Variants in STK3 observed in about 807,000 individuals in gnomAD.
STK3 encodes the protein serine/threonine kinase 3.
Under a neutral mutation model 58.0 loss-of-function variants are expected in STK3, and 41 were observed. That is an observed-to-expected ratio of 0.71 (90% CI 0.55 to 0.92). The LOEUF (loss-of-function observed/expected upper bound fraction) is 0.92, where lower values mean the gene tolerates loss of function less well. Ranked by LOEUF, STK3 falls within the 40% of genes least tolerant of loss-of-function variation. The probability of loss-of-function intolerance (pLI) is 0.00; values close to 1 mark genes in which losing one functional copy is unlikely to be tolerated. For synonymous variants in STK3, 170 were observed against 191.0 expected (o/e 0.89, Z 0.91); for missense variants, 479 against 602.7 (o/e 0.79, Z 2.15).
intron 1 of STK3, among the ~76,000 whole-genome samples, chr8:98,787,655 A>C (rs1162680047): frequency 1.3e-5 from 2 of 152,226 alleles, no homozygotes; most frequent in Non-Finnish European, 2.9e-5. Flanking sequence ...GTTAAGACAA[A>C]GAAAAGAGTC....
rs144746676 is a variant in STK3 at position 98,664,387 on chromosome 8, C to T, written c.684+42080G>A. 4.8e-3 allele frequency among the ~76,000 whole-genome samples: 729 copies of T among 152,234 alleles called. 4 individuals are homozygous for T. Among genetic ancestry groups the T allele is most frequent in the Admixed American group, 9.3e-3 (142 of 15,290 alleles). On this transcript the variant is annotated intron_variant, in intron 6 of 10. Transcript: ENST00000419617. ...GTCCAATGGCAATCACAGTTCCTATCGGATCTCATAGGGTTAACTATCTGT... is the reference window on the plus strand; with the variant it reads ...GTCCAATGGCAATCACAGTTCCTATTGGATCTCATAGGGTTAACTATCTGT...
At position 98,478,401 on chromosome 8, in the gene STK3, C is replaced by T. The variant is rs1821550774; in HGVS notation, c.1318-22401G>A. ...CTAAACTAAGCTTGGGCTTAAGATC[C>T]ATCGAGTTCGCCTCCCGAGCAGAGC... On this transcript the variant is annotated intron_variant, in intron 10 of 10. Transcript: ENST00000419617. Among the ~76,000 whole-genome samples, 4 of 152,238 alleles carry T rather than the reference C, an allele frequency of 2.6e-5. No individual in the cohort carries two copies. The South Asian group carries it at 8.3e-4, about 32-fold the overall frequency.
At chr8:98,868,411 A>G (rs1394768838) in intron 3 of STK3, among the ~76,000 whole-genome samples, 1 of 152,070 alleles carries the variant, frequency 6.6e-6, no homozygotes, top group African/African-American at 2.4e-5. Context: ...CCCTCAGTGC[A>G]TGTTTCTTAG....
At chr8:98,885,968 TG>T (rs1401247341) in intron 1 of STK3, among the ~76,000 whole-genome samples, 1 of 152,160 alleles carries the variant, frequency 6.6e-6, no homozygotes, top group African/African-American at 2.4e-5. Context: ...AAATACATAT[TG>T]TATGATTCCA....
intron 4 of STK3, among the ~76,000 whole-genome samples, chr8:98,735,806 G>C (rs533400062): frequency 6.6e-6 from 1 of 152,218 alleles, no homozygotes; most frequent in Admixed American, 6.5e-5. Flanking sequence ...ACAATCACTG[G>C]AATATGTCTA....
In STK3 at chr8:98,800,082, G is replaced by T. The variant is rs1833422896; in HGVS notation, c.27-25263C>A. ...CCAACCTCTGGAGTTGGGCAACATG[G>T]CTTCTCCCCTTTCTAGGTCCCGTGG... On this transcript the variant is annotated intron_variant, in intron 1 of 10. Coordinates refer to ENST00000419617, the MANE Select transcript of STK3 (RefSeq NM_006281.4). This position sits in a 1 kb window ranked among gnomAD's most constrained non-coding sequence, Gnocchi z 4.8. Among the ~76,000 whole-genome samples, 1 of 152,152 alleles carries T rather than the reference G, an allele frequency of 6.6e-6. No individual in the cohort carries two copies. Among genetic ancestry groups the T allele is most frequent in the Non-Finnish European group, 1.5e-5 (1 of 68,024 alleles).
At chr8:98,559,191 C>T (rs1222195258) in intron 8 of STK3, among the ~76,000 whole-genome samples, 2 of 152,046 alleles carry the variant, frequency 1.3e-5, no homozygotes, top group African/African-American at 2.4e-5. Flanking sequence ...GAGTAAAAGT[C>T]AGGCAAAACC....
chr8:98,883,680 C>T, downstream of STK3: 2 of 702,948 alleles, frequency 2.8e-6, no homozygotes, highest in Non-Finnish European at 5.2e-6. Flanking sequence ...TTGTGTGCTC[C>T]ATTCTTTTTT....
intron 9 of STK3, among the ~76,000 whole-genome samples, chr8:98,542,315 CTCTCA>C (rs1170494486): frequency 6.6e-6 from 1 of 152,182 alleles, no homozygotes; most frequent in Non-Finnish European, 1.5e-5. Flanking sequence ...GAAAACAGTT[CTCTCA>C]TCTCAAGTCG....
At chr8:98,453,486 C>T (rs1450043500), downstream of STK3, among the ~76,000 whole-genome samples, 1 of 152,158 alleles carries the variant, frequency 6.6e-6, no homozygotes, top group Non-Finnish European at 1.5e-5. Flanking sequence ...AAAAGTAGGT[C>T]ATCCTAAAAT....
At chr8:98,387,565 A>G (rs1157961012) in intron 1 of STK3, among the ~76,000 whole-genome samples, 1 of 152,216 alleles carries the variant, frequency 6.6e-6, no homozygotes, top group Non-Finnish European at 1.5e-5. Context: ...CCTGACCAAC[A>G]TGGAGAAACC....
At chr8:98,903,556 C>CTTCTTCTACTTCTTCTT (rs200556218) in intron 1 of STK3, among the ~76,000 whole-genome samples, 1 of 50,502 alleles carries the variant, frequency 2.0e-5, no homozygotes, top group African/African-American at 6.8e-5. Flanking sequence ...TCTTCTTCTT[C>CTTCTTCTACTTCTTCTT]CTTTTTTTTT....
chr8:98,575,635 C>CTT (rs375581206), intron 8 of STK3, among the ~76,000 whole-genome samples: 3 of 143,364 alleles, frequency 2.1e-5, no homozygotes, highest in Non-Finnish European at 4.6e-5. Flanking sequence ...ATACAGTTTG[C>CTT]TTTTTTTTTT....
At chr8:98,739,331 T>G (rs1000209579) in intron 4 of STK3, among the ~76,000 whole-genome samples, 38 of 152,232 alleles carry the variant, frequency 2.5e-4, no homozygotes, top group Non-Finnish European at 4.6e-4. Context: ...GCAGCCTAAC[T>G]GGGAGGCACC....
chr8:98,528,494 CT>C (rs796904569), intron 9 of STK3, among the ~76,000 whole-genome samples: 1 of 150,886 alleles, frequency 6.6e-6, no homozygotes, highest in African/African-American at 2.4e-5. Context: ...TTTTTCTTTT[CT>C]TTTTTTTTGA....
At chr8:98,655,355 C>G (rs1276854050) in intron 6 of STK3, among the ~76,000 whole-genome samples, 3 of 152,048 alleles carry the variant, frequency 2.0e-5, no homozygotes, top group Non-Finnish European at 4.4e-5. Flanking sequence ...TAAAGACTTA[C>G]ATGTTAGACC....
intron 2 of STK3, among the ~76,000 whole-genome samples, chr8:98,377,935 G>A (rs538747429): frequency 6.6e-6 from 1 of 152,286 alleles, no homozygotes; most frequent in South Asian, 2.1e-4. Context: ...TGCCTCTTGT[G>A]GGGAAGCCGT....
chr8:98,871,403 G>A (rs536350233), intron 3 of STK3, among the ~76,000 whole-genome samples: 44 of 152,172 alleles, frequency 2.9e-4, no homozygotes, highest in Admixed American at 3.9e-4. Context: ...GCTTGATGGG[G>A]ATGGCGTTGA....
chr8:98,863,372 A>G (rs937504871), intron 3 of STK3, among the ~76,000 whole-genome samples: 2 of 152,186 alleles, frequency 1.3e-5, no homozygotes, highest in African/African-American at 2.4e-5. Context: ...TGGCTCTCCC[A>G]CTGGCTAAAT....
Sources: gnomAD v4.1 joint callset for allele counts (sites outside exome capture counted in the v4.1 genomes callset) on GRCh38, gnomAD v4.1.1 for gene constraint, Gnocchi (gnomAD v3.1) non-coding constraint, MANE v1.5 for transcripts, NCBI Gene and HGNC (gene_info 2026-07-23, HGNC 2026-07-21) for gene names.